NPAS3: variants seen among roughly 807,000 people sequenced by gnomAD.
The protein encoded by NPAS3 is neuronal PAS domain protein 3, also known as neuronal PAS domain-containing protein 3.
A neutral mutation model predicts 73.1 loss-of-function variants in NPAS3; 14 were observed. The ratio of observed to expected loss-of-function variants is 0.19; its 90% CI spans 0.13 to 0.30. NPAS3 has a LOEUF of 0.30. NPAS3 is among the 10% of genes least tolerant of loss of function. The pLI is 1.00. For synonymous variants in NPAS3, 620 were observed against 541.5 expected (o/e 1.14, Z -2.01); for missense variants, 1,096 against 1,250.0 (o/e 0.88, Z 1.86).
chr14:33,397,147 T>A (rs924983529), intron 4 of NPAS3, among the ~76,000 whole-genome samples: 1 of 152,132 alleles, frequency 6.6e-6, no homozygotes, highest in Non-Finnish European at 1.5e-5. Flanking sequence ...AGAGGCCAGT[T>A]TGGGCCAAAT....
intron 4 of NPAS3, among the ~76,000 whole-genome samples, chr14:33,508,715 A>G (rs542930697): frequency 2.6e-5 from 4 of 152,158 alleles, no homozygotes; most frequent in East Asian, 3.9e-4. Context: ...GAGAGTATAT[A>G]TGATCATTTT....
chr14:33,729,405 C>T (rs573131209), intron 6 of NPAS3, among the ~76,000 whole-genome samples: 199 of 152,170 alleles, frequency 1.3e-3, no homozygotes, highest in African/African-American at 4.5e-3. Context: ...ACAAATTACC[C>T]CCAAATATTG....
intron 2 of NPAS3, among the ~76,000 whole-genome samples, chr14:33,209,610 C>T (rs746838112): frequency 4.7e-4 from 72 of 152,164 alleles, no homozygotes; most frequent in Non-Finnish European, 7.8e-4. Context: ...ACAGGTCGAC[C>T]TTCTTCCTTT....
chr14:33,134,188 G>T (rs1019752699), intron 2 of NPAS3, among the ~76,000 whole-genome samples: 1 of 151,696 alleles, frequency 6.6e-6, no homozygotes, highest in African/African-American at 2.4e-5. Context: ...TTCTTCTTGG[G>T]AATTTAGGAT....
At chr14:33,021,429 C>T in intron 1 of NPAS3, among the ~76,000 whole-genome samples, 1 of 152,124 alleles carries the variant, frequency 6.6e-6, no homozygotes, top group African/African-American at 2.4e-5. Flanking sequence ...GAGTAGTTTC[C>T]TTGTTTTCTC....
At chr14:33,123,667 C>T (rs115087746) in intron 2 of NPAS3, among the ~76,000 whole-genome samples, 1,994 of 151,954 alleles carry the variant, frequency 0.013, 31 homozygotes, top group African/African-American at 0.046. Context: ...AAAAGAAAAA[C>T]CAAGTAATGC....
upstream of NPAS3, among the ~76,000 whole-genome samples, chr14:32,935,229 G>A (rs1595035457): frequency 6.6e-6 from 1 of 152,194 alleles, no homozygotes; most frequent in East Asian, 1.9e-4. Flanking sequence ...CCTTTGCCTG[G>A]CCCCAAATCC....
chr14:33,609,818 T>C (rs1470235187), intron 5 of NPAS3, among the ~76,000 whole-genome samples: 1 of 152,082 alleles, frequency 6.6e-6, no homozygotes, highest in Admixed American at 6.6e-5. Flanking sequence ...CAGCGCCGAG[T>C]CTCTGACTCT....
chr14:33,470,291 T>C (rs2050724960), intron 4 of NPAS3, among the ~76,000 whole-genome samples: 1 of 152,212 alleles, frequency 6.6e-6, no homozygotes, highest in South Asian at 2.1e-4. Flanking sequence ...ACTGTCAACA[T>C]CACTTTGTAA....
At chr14:33,574,428 C>T (rs2056351883) in intron 5 of NPAS3, among the ~76,000 whole-genome samples, 1 of 152,158 alleles carries the variant, frequency 6.6e-6, no homozygotes, top group African/African-American at 2.4e-5. Context: ...TCAGACCCAT[C>T]AGTTGAAAGA....
chr14:33,802,381 AAAAAAAAAAAG>A (rs1409694476), downstream of NPAS3: 32 of 149,694 alleles, frequency 2.1e-4, no homozygotes, highest in African/African-American at 3.2e-4. Flanking sequence ...TTAAGTAAAA[AAAAAAAAAAAG>A]AAAAAAAAAA....
intron 5 of NPAS3, among the ~76,000 whole-genome samples, chr14:33,580,054 A>T (rs556295812): frequency 6.6e-6 from 1 of 152,186 alleles, no homozygotes; most frequent in Non-Finnish European, 1.5e-5. Context: ...ACAATACTAA[A>T]CCTTCCTACT....
chr14:33,158,766 T>C (rs762524846), intron 2 of NPAS3, among the ~76,000 whole-genome samples: 1 of 152,208 alleles, frequency 6.6e-6, no homozygotes, highest in Non-Finnish European at 1.5e-5. Flanking sequence ...ACTTGTCTAC[T>C]GGTAATTACT....
intron 1 of NPAS3, among the ~76,000 whole-genome samples, chr14:32,954,354 T>A (rs2036594473): frequency 6.6e-6 from 1 of 152,164 alleles, no homozygotes; most frequent in African/African-American, 2.4e-5. Context: ...AACTTTAACT[T>A]GTTTAAAGTT....
At chr14:33,384,148 A>T in intron 4 of NPAS3, among the ~76,000 whole-genome samples, 1 of 138,204 alleles carries the variant, frequency 7.2e-6, no homozygotes, top group African/African-American at 3.0e-5. Flanking sequence ...TGCTGAAGTT[A>T]AAAAGAAGCA....
At chr14:33,228,875 A>G (rs2047737679) in intron 3 of NPAS3, among the ~76,000 whole-genome samples, 2 of 152,204 alleles carry the variant, frequency 1.3e-5, no homozygotes, top group South Asian at 4.1e-4. Context: ...AGGTGATCAT[A>G]ATGAATATGT....
chr14:33,371,482 C>A (rs1323378248), intron 4 of NPAS3, among the ~76,000 whole-genome samples: 1 of 152,110 alleles, frequency 6.6e-6, no homozygotes, highest in Non-Finnish European at 1.5e-5. Flanking sequence ...AACTCTTGGC[C>A]AATTATATGC....
intron 2 of NPAS3, among the ~76,000 whole-genome samples, chr14:33,200,630 C>T (rs953033141): frequency 3.4e-5 from 5 of 149,050 alleles, no homozygotes; most frequent in African/African-American, 1.3e-4. Flanking sequence ...CAAAGAGTTT[C>T]ATTTTTAAAA....
intron 2 of NPAS3, among the ~76,000 whole-genome samples, chr14:33,072,182 C>T (rs56090017): frequency 0.34 from 51,666 of 152,050 alleles, 8,978 homozygotes; most frequent in Non-Finnish European, 0.37. Context: ...TGAGCCACTG[C>T]GCCTGGCCAG....
Sources: gnomAD v4.1 joint callset for allele counts (sites outside exome capture counted in the v4.1 genomes callset) on GRCh38, gnomAD v4.1.1 for gene constraint, MANE v1.5 for transcripts, NCBI Gene and HGNC (gene_info 2026-07-23, HGNC 2026-07-21) for gene names.